Variants in CEP85L observed in about 807,000 individuals in gnomAD.
CEP85L encodes the protein centrosomal protein of 85 kDa-like.
Under a neutral mutation model 100.3 loss-of-function variants are expected in CEP85L, and 60 were observed. The ratio of observed to expected loss-of-function variants is 0.60; its 90% confidence interval spans 0.49 to 0.74. The LOEUF is 0.74. Ranked by LOEUF, CEP85L falls within the 30% of genes least tolerant of loss-of-function variation. CEP85L has a pLI of 0.00. For synonymous variants in CEP85L, 319 were observed against 322.7 expected (o/e 0.99, Z 0.12); for missense variants, 973 against 936.2 (o/e 1.04, Z -0.51).
At chr6:118,652,157 CG>C (rs113293738), upstream of CEP85L, among the ~76,000 whole-genome samples, 22 of 152,214 alleles carry the variant, frequency 1.4e-4, no homozygotes, top group African/African-American at 5.3e-4. Context: ...GGAAAAGGCC[CG>C]GGGGTAATTA....
At chr6:118,486,220 G>A (rs1210564636) in intron 6 of CEP85L, among the ~76,000 whole-genome samples, 1 of 151,976 alleles carries the variant, frequency 6.6e-6, no homozygotes, top group Non-Finnish European at 1.5e-5. Context: ...CAAGTTTTGT[G>A]CTGTCCCATA....
chr6:118,585,294 T>C (rs191965551), intron 2 of CEP85L, among the ~76,000 whole-genome samples: 4 of 152,350 alleles, frequency 2.6e-5, no homozygotes, highest in Admixed American at 6.5e-5. Context: ...GGCATTTTCT[T>C]ACCACCGATG....
Position 118,494,993 on chromosome 6 carries a change from AT to A in CEP85L, c.1258-3129del, listed in dbSNP as rs112618447. On this transcript the variant is annotated intron_variant, in intron 5 of 12. Coordinates refer to ENST00000368491, the MANE Select transcript of CEP85L (RefSeq NM_001042475.3). ...AATTCTAGAAAAGAATAAAAAAGAA[AT>A]GCTAAAGATTGAGAACACTAACAGA... Among the ~76,000 whole-genome samples, 652 of 152,298 alleles carry A rather than the reference AT, an allele frequency of 4.3e-3. 8 individuals carry two copies. Among genetic ancestry groups the A allele is most frequent in the African/African-American group, 0.015 (632 of 41,562 alleles).
rs116960081 is a variant in CEP85L, at chr6:118,621,372, C to T, written c.232+11081G>A. On this transcript the variant is annotated intron_variant, in intron 2 of 12. Coordinates refer to ENST00000368491, the MANE Select transcript of CEP85L (RefSeq NM_001042475.3). Reference sequence around the variant, plus strand: ...CTGTTCTGGACCTCAAGGATGCCTTCTCCTGCATTCCCCAGCACACTGACT... The same window carrying T: ...CTGTTCTGGACCTCAAGGATGCCTTTTCCTGCATTCCCCAGCACACTGACT... 1.2e-4 allele frequency among the ~76,000 whole-genome samples: 19 copies of T among 152,324 alleles called. No individual in the cohort carries two copies. In the East Asian group the frequency reaches 3.3e-3, roughly 26 times the overall value.
intron 1 of CEP85L, among the ~76,000 whole-genome samples, chr6:118,648,250 T>C (rs982638506): frequency 6.6e-6 from 1 of 152,100 alleles, no homozygotes; most frequent in African/African-American, 2.4e-5. Context: ...GGAAACTCTG[T>C]CTCAAAAAAT....
intron 1 of CEP85L, among the ~76,000 whole-genome samples, chr6:118,708,502 G>A (rs1375514195): frequency 6.6e-6 from 1 of 152,208 alleles, no homozygotes; most frequent in Non-Finnish European, 1.5e-5. Flanking sequence ...AGTTACTCTA[G>A]TGGCAGTGGA....
intron 2 of CEP85L, among the ~76,000 whole-genome samples, chr6:118,598,019 A>G (rs747686063): frequency 3.3e-5 from 5 of 152,210 alleles, no homozygotes; most frequent in Non-Finnish European, 7.3e-5. Flanking sequence ...TTGTCTGTGA[A>G]TCTCAAGTAA....
rs150638826 is a variant in CEP85L, at chr6:118,519,112, G to C, written c.1139+4690C>G. Among the ~76,000 whole-genome samples the C allele has an allele frequency of 1.4e-3, 218 of 151,894 alleles. 1 individual carries two copies. Among genetic ancestry groups the C allele is most frequent in the African/African-American group, 4.9e-3 (205 of 41,434 alleles). On this transcript the variant is annotated intron_variant, in intron 4 of 12. Transcript: ENST00000368491. ...TCCGAGAGACTAAATGCCTATACCA[G>C]AAAAAAAGAAAGCTCTCAAATTATC...
chr6:118,669,937 A>T (rs897449301), intron 1 of CEP85L, among the ~76,000 whole-genome samples: 1 of 149,918 alleles, frequency 6.7e-6, no homozygotes, highest in East Asian at 1.9e-4. Context: ...GTAAGAGGAA[A>T]GGATCATACT....
intron 1 of CEP85L, among the ~76,000 whole-genome samples, chr6:118,650,873 C>A (rs903681669): frequency 1.3e-5 from 2 of 152,204 alleles, no homozygotes; most frequent in East Asian, 1.9e-4. Context: ...AGGTCACACA[C>A]CCCACGAGTA....
intron 2 of CEP85L, among the ~76,000 whole-genome samples, chr6:118,589,975 C>T (rs149034045): frequency 6.6e-5 from 10 of 152,216 alleles, no homozygotes; most frequent in African/African-American, 2.2e-4. Flanking sequence ...AACAGCACTA[C>T]CCTCCTCTCT....
Position 118,558,626 on chromosome 6 carries a change from TACACACACACACAC to T in CEP85L, c.1020+6889_1020+6902del, listed in dbSNP as rs371775061. 8.6e-4 allele frequency among the ~76,000 whole-genome samples: 96 copies of T among 111,658 alleles called. 1 individual carries two copies. The South Asian group carries it at 0.016, about 18-fold the overall frequency. The allele number at this position is 111,658 out of a possible 152,430, so 73.3% of individuals were successfully genotyped here. ...ACAGACACATAGAAACACGTGCACA[TACACACACACACAC>T]ACACACACACACACACACACAGAGA... On this transcript the variant is annotated intron_variant, in intron 3 of 12. Transcript: ENST00000368491.
intron 5 of CEP85L, among the ~76,000 whole-genome samples, chr6:118,504,389 A>C (rs1016185725): frequency 1.3e-5 from 2 of 152,088 alleles, no homozygotes; most frequent in Non-Finnish European, 2.9e-5. Context: ...AAAGAAAAAA[A>C]AAAATCATAC....
intron 3 of CEP85L, among the ~76,000 whole-genome samples, chr6:118,546,340 A>G (rs1012635745): frequency 1.3e-5 from 2 of 152,142 alleles, no homozygotes; most frequent in South Asian, 4.1e-4. Context: ...AAGTAAACTT[A>G]TAAACATGTG....
intron 1 of CEP85L, chr6:118,647,142 A>G: frequency 1.2e-6 from 1 of 821,252 alleles, no homozygotes; most frequent in Non-Finnish European, 1.5e-6. Flanking sequence ...ACAGCAGAAA[A>G]CAATATTATT....
intron 2 of CEP85L, among the ~76,000 whole-genome samples, chr6:118,578,059 A>G (rs1295693905): frequency 6.6e-6 from 1 of 152,234 alleles, no homozygotes; most frequent in Non-Finnish European, 1.5e-5. Flanking sequence ...GGGAAGAACT[A>G]TAAAATCAAG....
intron 1 of CEP85L, among the ~76,000 whole-genome samples, chr6:118,665,218 G>T (rs1583240409): frequency 6.6e-6 from 1 of 152,270 alleles, no homozygotes; most frequent in East Asian, 1.9e-4. Context: ...TGTACCAGCT[G>T]TTCTTTGCCC....
intron 3 of CEP85L, among the ~76,000 whole-genome samples, chr6:118,553,145 A>G (rs1207534006): frequency 6.6e-6 from 1 of 152,040 alleles, no homozygotes; most frequent in Non-Finnish European, 1.5e-5. Context: ...ACATGAAAAT[A>G]AAACTAAACT....
At chr6:118,666,764 TA>T (rs55786851) in intron 1 of CEP85L, among the ~76,000 whole-genome samples, 353 of 143,966 alleles carry the variant, frequency 2.5e-3, no homozygotes, top group Middle Eastern at 3.5e-3. Flanking sequence ...GGGATTAAGT[TA>T]AAAAAAAAAA....
Sources: allele counts gnomAD v4.1 joint callset (sites outside exome capture counted in the v4.1 genomes callset), GRCh38; gene constraint gnomAD v4.1.1; transcripts MANE v1.5; gene names NCBI Gene and HGNC (gene_info 2026-07-23, HGNC 2026-07-21).